BMERB1: variants seen among roughly 807,000 people sequenced by gnomAD.
BMERB1 encodes bMERB domain containing 1.
BMERB1 carries 12 observed loss-of-function variants against 23.6 expected under a neutral mutation model. The ratio of observed to expected loss-of-function variants is 0.51; its 90% CI spans 0.33 to 0.82. The LOEUF is 0.82. Among genes scored for constraint, BMERB1 ranks in the 40% least tolerant of loss-of-function variants. The probability of loss-of-function intolerance (pLI) is 0.03; values close to 1 mark genes in which losing one functional copy is unlikely to be tolerated. For synonymous variants in BMERB1, 122 were observed against 96.6 expected (o/e 1.26, Z -1.54); for missense variants, 247 against 255.4 (o/e 0.97, Z 0.22).
intron 2 of BMERB1, among the ~76,000 whole-genome samples, chr16:15,555,897 T>C (rs1250398482): frequency 6.6e-6 from 1 of 151,922 alleles, no homozygotes; most frequent in Non-Finnish European, 1.5e-5. Context: ...TAGCACATGC[T>C]GGCCAGGCGC....
At chr16:15,469,622 C>T (rs971557328) in intron 1 of BMERB1, among the ~76,000 whole-genome samples, 2 of 152,296 alleles carry the variant, frequency 1.3e-5, no homozygotes, top group Admixed American at 6.5e-5. Context: ...TCCATGAACA[C>T]AATATGTCTC....
At chr16:15,558,499 G>A (rs963247236) in intron 2 of BMERB1, among the ~76,000 whole-genome samples, 14 of 152,162 alleles carry the variant, frequency 9.2e-5, no homozygotes, top group Admixed American at 2.6e-4. Flanking sequence ...GCCCTCTGAC[G>A]TCAAAAGGTC....
At chr16:15,512,340 G>A (rs906538134) in intron 1 of BMERB1, among the ~76,000 whole-genome samples, 1 of 152,172 alleles carries the variant, frequency 6.6e-6, no homozygotes, top group Non-Finnish European at 1.5e-5. Flanking sequence ...ATCCAAGCAG[G>A]TAGGGACTGA....
chr16:15,561,808 C>T (rs2030429692), intron 2 of BMERB1, among the ~76,000 whole-genome samples: 1 of 151,528 alleles, frequency 6.6e-6, no homozygotes, highest in Non-Finnish European at 1.5e-5. Flanking sequence ...CAGGCAAATC[C>T]TTTTACCCCT....
chr16:15,565,756 A>G (rs1301776478), intron 2 of BMERB1, among the ~76,000 whole-genome samples: 3 of 152,170 alleles, frequency 2.0e-5, no homozygotes, highest in African/African-American at 7.2e-5. Flanking sequence ...GCTACTTCAG[A>G]GGCTGAGGTG....
chr16:15,483,376 TTTTA>T (rs1489090518), intron 1 of BMERB1, among the ~76,000 whole-genome samples: 1 of 152,088 alleles, frequency 6.6e-6, no homozygotes, highest in African/African-American at 2.4e-5. Context: ...AAAAACCTAT[TTTTA>T]TTTATTTATT....
chr16:15,583,156 G>T lies in BMERB1; in HGVS notation c.420G>T (p.Arg140Ser). ...LVDDAEVERLREQEEDKEMAD... is the reference protein window; with the variant it reads ...LVDDAEVERLSEQEEDKEMAD... ...TTCTTTTACCCATCTACTTTCACAG[G>T]GAGCAAGAAGAAGACAAGGAAATGG... The change falls in exon 5 of 6, where the codon AGG becomes AGT. Residue 140 changes from arginine to serine, a missense_variant and splice_region_variant. Transcript: ENST00000300006. 2 of 1,610,464 alleles carry T rather than the reference G, an allele frequency of 1.2e-6. No homozygotes were observed. The highest frequency in any genetic ancestry group is 1.7e-6 in the Non-Finnish European group (2 of 1,176,790).
chr16:15,526,895 TATAA>T (rs201454154), intron 2 of BMERB1, among the ~76,000 whole-genome samples: 2,212 of 148,902 alleles, frequency 0.015, 63 homozygotes, highest in African/African-American at 0.051. Context: ...ATAAAAATAA[TATAA>T]TAATAATTCT....
At chr16:15,555,603 T>C (rs2030231162) in intron 2 of BMERB1, among the ~76,000 whole-genome samples, 3 of 152,096 alleles carry the variant, frequency 2.0e-5, no homozygotes, top group Non-Finnish European at 4.4e-5. Context: ...GACAGGTGGA[T>C]GTAAATCCAC....
chr16:15,436,370 T>A (rs2050888414), intron 1 of BMERB1, among the ~76,000 whole-genome samples: 1 of 150,762 alleles, frequency 6.6e-6, no homozygotes, highest in African/African-American at 2.4e-5. Flanking sequence ...GCGATTCTCC[T>A]GCCTCAGCCT....
At chr16:15,449,637 C>G (rs1006001436) in intron 1 of BMERB1, among the ~76,000 whole-genome samples, 4 of 151,956 alleles carry the variant, frequency 2.6e-5, no homozygotes, top group African/African-American at 9.7e-5. Flanking sequence ...CCTCTGCCTC[C>G]CAGGTTCAAG....
At chr16:15,521,343 G>C (rs1334645711) in intron 2 of BMERB1, among the ~76,000 whole-genome samples, 1 of 152,212 alleles carries the variant, frequency 6.6e-6, no homozygotes. Context: ...TGCTGGGAAT[G>C]TGCTGTAGAA....
chr16:15,500,585 G>A (rs898423159), intron 1 of BMERB1, among the ~76,000 whole-genome samples: 1 of 152,242 alleles, frequency 6.6e-6, no homozygotes, highest in Non-Finnish European at 1.5e-5. Context: ...GAGGGTCCCA[G>A]GATGGTGAAC....
chr16:15,464,950 A>G (rs1194949709), intron 1 of BMERB1, among the ~76,000 whole-genome samples: 1 of 152,122 alleles, frequency 6.6e-6, no homozygotes, highest in Non-Finnish European at 1.5e-5. Context: ...CCCTTATTCA[A>G]GATGGAGTCA....
intron 1 of BMERB1, among the ~76,000 whole-genome samples, chr16:15,467,349 A>G (rs766494730): frequency 1.3e-5 from 2 of 152,144 alleles, no homozygotes; most frequent in Non-Finnish European, 2.9e-5. Context: ...CCTCACCTGC[A>G]TTTGGTGTTA....
intron 2 of BMERB1, among the ~76,000 whole-genome samples, chr16:15,554,282 T>C (rs967612300): frequency 6.6e-6 from 1 of 152,186 alleles, no homozygotes; most frequent in Non-Finnish European, 1.5e-5. Flanking sequence ...CCACTTACTC[T>C]GTGACGTTGA....
intron 1 of BMERB1, among the ~76,000 whole-genome samples, chr16:15,499,145 A>G (rs1159966038): frequency 2.6e-5 from 4 of 152,166 alleles, no homozygotes; most frequent in Non-Finnish European, 5.9e-5. Flanking sequence ...CTACTCCTCA[A>G]TCTCACCTCT....
intron 2 of BMERB1, among the ~76,000 whole-genome samples, chr16:15,538,348 G>A (rs1457112646): frequency 1.3e-5 from 2 of 152,084 alleles, no homozygotes; most frequent in Non-Finnish European, 2.9e-5. Flanking sequence ...AGCTACTTGG[G>A]AGGCTGAGGC....
At chr16:15,567,890 A>G (rs2150972078) in intron 2 of BMERB1, 93 bp from the exon 3 acceptor site, 2 of 1,200,924 alleles carry the variant, frequency 1.7e-6, no homozygotes, top group East Asian at 5.1e-5. Context: ...AAGATAACCC[A>G]CCTTTAATAG....
Sources: allele counts gnomAD v4.1 joint callset (sites outside exome capture counted in the v4.1 genomes callset), GRCh38; gene constraint gnomAD v4.1.1; transcripts MANE v1.5; gene names NCBI Gene and HGNC (gene_info 2026-07-23, HGNC 2026-07-21).